LRBA: variants seen among roughly 807,000 people sequenced by gnomAD.
LRBA encodes LPS responsive beige-like anchor protein.
Under a neutral mutation model 330.0 loss-of-function variants are expected in LRBA, and 176 were observed. The ratio of observed to expected loss-of-function variants is 0.53; its 90% CI spans 0.47 to 0.60. LRBA has a LOEUF of 0.60. Among genes scored for constraint, LRBA ranks in the 20% least tolerant of loss-of-function variants. The probability of loss-of-function intolerance (pLI) is 0.00; values close to 1 mark genes in which losing one functional copy is unlikely to be tolerated. For synonymous variants in LRBA, 1,230 were observed against 1,193.0 expected (o/e 1.03, Z -0.64); for missense variants, 3,259 against 3,444.8 (o/e 0.95, Z 1.35).
intron 53 of LRBA, among the ~76,000 whole-genome samples, chr4:150,299,815 A>T (rs1358208080): frequency 6.6e-6 from 1 of 152,100 alleles, no homozygotes. Flanking sequence ...AAAGTCTACA[A>T]TAAAAAATTT....
chr4:150,282,495 C>T lies in LRBA; in HGVS notation c.8271G>A (p.Val2757=). ...YENGLFCTFS[V]NGKLQATMET... Reference sequence around the variant, plus strand: ...CCATCGTGGCCTGGAGTTTTCCATTCACACTGAATGTACAGAAGAGGCCGT... The same window carrying T: ...CCATCGTGGCCTGGAGTTTTCCATTTACACTGAATGTACAGAAGAGGCCGT... The change falls in exon 55 of 57, where the codon GTG becomes GTA. Residue 2757 remains valine (V), a synonymous_variant. Transcript: ENST00000651943. 1 of 1,614,154 alleles carries T rather than the reference C, an allele frequency of 6.2e-7. No individual in the cohort carries two copies. The highest frequency in any genetic ancestry group is 8.5e-7 in the Non-Finnish European group (1 of 1,180,018).
chr4:150,516,215 C>A (rs1426789378), intron 40 of LRBA, among the ~76,000 whole-genome samples: 1 of 86,676 alleles, frequency 1.2e-5, no homozygotes. Flanking sequence ...ATTTTCTATT[C>A]TCTTTTTTTT....
chr4:150,974,906 T>C (rs763680480), intron 2 of LRBA, among the ~76,000 whole-genome samples: 17 of 152,020 alleles, frequency 1.1e-4, no homozygotes, highest in Non-Finnish European at 2.2e-4. Context: ...TTTTGAAAAC[T>C]GAACTGATAT....
At chr4:150,311,816 A>G (rs1003485874) in intron 51 of LRBA, among the ~76,000 whole-genome samples, 1 of 152,184 alleles carries the variant, frequency 6.6e-6, no homozygotes, top group Non-Finnish European at 1.5e-5. Flanking sequence ...GCAGATAATA[A>G]AAGCTTTTGT....
intron 46 of LRBA, among the ~76,000 whole-genome samples, chr4:150,429,257 G>T (rs1380795601): frequency 6.6e-6 from 1 of 151,944 alleles, no homozygotes; most frequent in Non-Finnish European, 1.5e-5. Context: ...TGAAAGGCAT[G>T]AAGAATGAGT....
chr4:150,872,985 T>C (rs1276083137), intron 17 of LRBA, among the ~76,000 whole-genome samples: 3 of 152,168 alleles, frequency 2.0e-5, no homozygotes, highest in South Asian at 4.1e-4. Flanking sequence ...GACTTTTCCA[T>C]GCACATACTT....
intron 16 of LRBA, among the ~76,000 whole-genome samples, chr4:150,894,281 TA>T (rs1262309173): frequency 6.6e-6 from 1 of 152,200 alleles, no homozygotes; most frequent in Non-Finnish European, 1.5e-5. Flanking sequence ...AAACTAGTTC[TA>T]AAAGAACACT....
chr4:150,393,112 A>T (rs1483367583), intron 47 of LRBA, among the ~76,000 whole-genome samples: 1 of 152,114 alleles, frequency 6.6e-6, no homozygotes, highest in East Asian at 1.9e-4. Context: ...TCATTCTCTG[A>T]ATGAAATTTA....
chr4:150,901,307 T>A (rs200315654), intron 13 of LRBA, among the ~76,000 whole-genome samples: 1 of 25,030 alleles, frequency 4.0e-5, no homozygotes, highest in African/African-American at 4.5e-5. Context: ...AAAAAACAAA[T>A]TTTTTTTCAG....
chr4:150,963,475 G>C (rs561119884), intron 2 of LRBA, among the ~76,000 whole-genome samples: 1 of 149,568 alleles, frequency 6.7e-6, no homozygotes, highest in Non-Finnish European at 1.5e-5. Flanking sequence ...ACAGAGTCTC[G>C]TTCACTCAGT....
chr4:150,275,106 G>T (rs779351084), intron 56 of LRBA, among the ~76,000 whole-genome samples: 1 of 152,274 alleles, frequency 6.6e-6, no homozygotes, highest in South Asian at 2.1e-4. Flanking sequence ...TCATCCCTAG[G>T]ATGCAAGGCT....
chr4:150,591,018 G>A (rs749166160), intron 38 of LRBA, among the ~76,000 whole-genome samples, 159 bp from the exon 39 acceptor site: 3 of 152,098 alleles, frequency 2.0e-5, no homozygotes, highest in Admixed American at 6.6e-5. Context: ...ACACATGCCT[G>A]ATCTGACAAA....
chr4:150,887,882 T>A (rs1435621546), intron 17 of LRBA, among the ~76,000 whole-genome samples: 2 of 151,610 alleles, frequency 1.3e-5, no homozygotes, highest in Non-Finnish European at 2.9e-5. Context: ...GAGAGATGGA[T>A]GCAGTCAAGT....
chr4:150,997,894 G>C (rs1051490394), intron 2 of LRBA, among the ~76,000 whole-genome samples: 1 of 151,898 alleles, frequency 6.6e-6, no homozygotes, highest in African/African-American at 2.4e-5. Context: ...AGTAGAGACA[G>C]GGTTTCATCA....
chr4:150,337,295 T>A (rs893878766), intron 48 of LRBA, among the ~76,000 whole-genome samples: 4 of 152,132 alleles, frequency 2.6e-5, no homozygotes, highest in African/African-American at 9.7e-5. Flanking sequence ...CGGCTCAGAA[T>A]TCTGTAGGTA....
chr4:150,648,778 C>G (rs1779441149), intron 37 of LRBA, among the ~76,000 whole-genome samples: 1 of 152,072 alleles, frequency 6.6e-6, no homozygotes, highest in African/African-American at 2.4e-5. Flanking sequence ...TGAAACAGAG[C>G]CACGAGGCCT....
At chr4:150,390,991 C>A (rs1041603462) in intron 47 of LRBA, among the ~76,000 whole-genome samples, 5 of 152,184 alleles carry the variant, frequency 3.3e-5, no homozygotes, top group African/African-American at 9.7e-5. Flanking sequence ...TCCTCCCTTG[C>A]AGTTTTAGGA....
chr4:150,374,830 G>A (rs1398023091), intron 47 of LRBA, among the ~76,000 whole-genome samples: 2 of 152,192 alleles, frequency 1.3e-5, no homozygotes, highest in Non-Finnish European at 2.9e-5. Context: ...GTATGTGAAT[G>A]AGAAATAGTA....
chr4:150,895,106 T>G (rs545438660), intron 16 of LRBA, among the ~76,000 whole-genome samples: 1 of 152,048 alleles, frequency 6.6e-6, no homozygotes, highest in Admixed American at 6.5e-5. Context: ...TATAGGAGTA[T>G]AAATTATCAT....
Sources: allele counts gnomAD v4.1 joint callset (sites outside exome capture counted in the v4.1 genomes callset), GRCh38; gene constraint gnomAD v4.1.1; transcripts MANE v1.5; gene names NCBI Gene and HGNC (gene_info 2026-07-23, HGNC 2026-07-21).